The following ABCA4 variants were observed in gnomAD, a reference collection of about 807,000 sequenced individuals.
ABCA4 encodes ATP binding cassette subfamily A member 4, also known as retinal-specific phospholipid-transporting ATPase ABCA4.
In ABCA4, 196 loss-of-function variants were observed where a neutral mutation model predicts 263.7. That is an observed-to-expected ratio of 0.74 (90% CI 0.66 to 0.84). ABCA4 has a LOEUF of 0.84. ABCA4 is among the 40% of genes least tolerant of loss of function. ABCA4 has a pLI of 0.00. For synonymous variants in ABCA4, 1,133 were observed against 1,094.2 expected, an observed-to-expected ratio of 1.04 and a Z score of -0.70; for missense variants, 2,792 against 2,855.1, an observed-to-expected ratio of 0.98 and a Z score of 0.50.
chr1:94,000,992 A>T lies in ABCA4; in HGVS notation c.6386+10T>A. 6.2e-7 allele frequency: 1 copy of T among 1,614,072 alleles called. No homozygotes were observed. Among genetic ancestry groups the T allele is most frequent in the African/African-American group, 1.3e-5 (1 of 75,028 alleles). On this transcript the variant is annotated intron_variant, in intron 46 of 49. Transcript: ENST00000370225. ...CCCACCCACCTTCCCCAGCCCTGGG[A>T]ATCTCTTGCCTGTGGGATGTGAGGA... is the stretch of plus-strand genomic sequence containing the variant.
chr1:94,058,927 G>T (rs1006627240), intron 14 of ABCA4, among the ~76,000 whole-genome samples: 4 of 152,192 alleles, frequency 2.6e-5, no homozygotes, highest in Non-Finnish European at 5.9e-5. Context: ...ACAAGGGAAA[G>T]GTGGGAGAGT....
intron 6 of ABCA4, among the ~76,000 whole-genome samples, chr1:94,090,650 C>T (rs528836084): frequency 2.1e-4 from 32 of 152,300 alleles, no homozygotes; most frequent in African/African-American, 7.0e-4. Flanking sequence ...TTATTTACCA[C>T]TTTTATTTTG....
chr1:94,083,421 G>T lies in ABCA4; in HGVS notation c.789C>A (p.Ser263Arg). ...ATCTCAGATTGATACCTTGAGAACG[G>T]CTGTCTAGGAGTGTGGGAAGCTGTA... The part of the protein sequence containing the change: ...LFRVLPTLLD[S>R]RSQGINLRSW... Residue 263 changes from serine to arginine, a missense_variant, in exon 7 of 50, where the codon AGC becomes AGA. Transcript: ENST00000370225. 6.2e-7 allele frequency: 1 copy of T among 1,613,506 alleles called. No homozygotes were observed. Among genetic ancestry groups the T allele is most frequent in the Non-Finnish European group, 8.5e-7 (1 of 1,179,730 alleles).
chr1:94,075,361 A>T (rs1379791122), intron 11 of ABCA4, among the ~76,000 whole-genome samples: 2 of 152,092 alleles, frequency 1.3e-5, no homozygotes, highest in African/African-American at 4.8e-5. Flanking sequence ...TTAAAAAAAA[A>T]ATCCTGTTTT....
Position 93,992,992 on chromosome 1 carries a change from T to C in ABCA4, c.*245A>G. ...TGGCCCGGGGTTTCTAGTTCTGGGG[T>C]CTGGAGAAGGATTTTGTATTTGTTT... On this transcript the variant is annotated 3_prime_UTR_variant, in exon 50 of 50. Coordinates refer to ENST00000370225, the MANE Select transcript of ABCA4 (RefSeq NM_000350.3). 5.3e-6 allele frequency: 3 copies of C among 566,406 alleles called. No individual in the cohort carries two copies. Among genetic ancestry groups the C allele is most frequent in the Non-Finnish European group, 9.4e-6 (3 of 317,482 alleles). The allele number at this position is 566,406 out of a possible 1,614,324, so 35.1% of individuals were successfully genotyped here.
Position 93,998,092 on chromosome 1 carries a change from G to A in ABCA4, c.6498C>T (p.Ile2166=), listed in dbSNP as rs61751379. 1.2e-3 allele frequency: 1,882 copies of A among 1,614,158 alleles called. 3 individuals carry two copies. Among genetic ancestry groups the A allele is most frequent in the Middle Eastern group, 3.6e-3 (22 of 6,062 alleles). Residue 2166 remains isoleucine, a synonymous_variant, in exon 48 of 50, where the codon ATC becomes ATT. Transcript: ENST00000370225. ...HLKSKFGDGY[I]VTMKIKSPKD... is the part of the protein sequence containing the mutation. Reference sequence around the variant, plus strand: ...TCGGGGATTTGATCTTCATTGTGACGATATAGCCATCTCCAAATCTAGGGG... The same window carrying A: ...TCGGGGATTTGATCTTCATTGTGACAATATAGCCATCTCCAAATCTAGGGG...
At position 94,036,739 on chromosome 1, in the gene ABCA4, C is replaced by T. The variant is rs61751400; in HGVS notation, c.3862+1G>A. 2.5e-6 allele frequency: 4 copies of T among 1,614,020 alleles called. No homozygotes were observed. Among genetic ancestry groups the T allele is most frequent in the African/African-American group, 1.3e-5 (1 of 75,018 alleles). Reference sequence around the variant, plus strand: ...ACAAGCCACTGGCTCCAGCACCATACCCGCAAACAGAGGTCCTGAATCAGA... The same window carrying T: ...ACAAGCCACTGGCTCCAGCACCATATCCGCAAACAGAGGTCCTGAATCAGA... On this transcript the variant is annotated splice_donor_variant, in intron 26 of 49. Transcript: ENST00000370225. LOFTEE classifies it high-confidence loss of function.
intron 16 of ABCA4, among the ~76,000 whole-genome samples, chr1:94,052,977 G>C (rs984394284): frequency 6.6e-6 from 1 of 152,196 alleles, no homozygotes; most frequent in African/African-American, 2.4e-5. Flanking sequence ...GTGAAGAATG[G>C]AACTTTCAGT....
intron 31 of ABCA4, among the ~76,000 whole-genome samples, chr1:94,023,851 A>G (rs943658660): frequency 3.3e-5 from 5 of 152,228 alleles, no homozygotes; most frequent in African/African-American, 1.2e-4. Context: ...CCCAAAGTTA[A>G]GGCACTGACA....
At chr1:94,040,019 A>G (rs941973499) in intron 24 of ABCA4, 24 bp downstream of exon 24, 2 of 1,578,904 alleles carry the variant, frequency 1.3e-6, no homozygotes, top group Non-Finnish European at 8.6e-7. Context: ...GACGGAACCC[A>G]AGTATGGCCC....
chr1:94,032,588 T>C (rs1660234524), intron 26 of ABCA4, among the ~76,000 whole-genome samples: 1 of 152,178 alleles, frequency 6.6e-6, no homozygotes, highest in Admixed American at 6.5e-5. Flanking sequence ...TAAGCCGAGA[T>C]TGCAAGACTG....
intron 1 of ABCA4, among the ~76,000 whole-genome samples, chr1:94,115,320 C>T (rs975227322): frequency 1.3e-5 from 2 of 152,152 alleles, no homozygotes; most frequent in African/African-American, 2.4e-5. Flanking sequence ...GTCTTCCATG[C>T]GGCAACATCT....
intron 25 of ABCA4, 131 bp from the exon 26 acceptor site, chr1:94,036,919 A>G: frequency 1.0e-6 from 1 of 971,060 alleles, no homozygotes; most frequent in Non-Finnish European, 1.6e-6. Context: ...ATCTGAGAAC[A>G]TCATCTTCTA....
intron 6 of ABCA4, among the ~76,000 whole-genome samples, chr1:94,092,263 A>C (rs1661988141): frequency 6.6e-6 from 1 of 152,230 alleles, no homozygotes; most frequent in African/African-American, 2.4e-5. Flanking sequence ...TCTTGAAGGC[A>C]TGCAGACCAG....
At chr1:94,093,458 A>G (rs1165766391) in intron 6 of ABCA4, among the ~76,000 whole-genome samples, 1 of 152,210 alleles carries the variant, frequency 6.6e-6, no homozygotes, top group Non-Finnish European at 1.5e-5. Context: ...CTTTCTTAAA[A>G]CCAACTGACC....
rs146117512 is a variant in ABCA4, at chr1:94,041,368, G to T, written c.3363C>A (p.Asp1121Glu). The change falls in exon 23 of 50, where the codon GAC (aspartate) becomes GAA (glutamate). Residue 1121 changes from aspartate (D) to glutamate (E), a missense_variant. Asp to Glu is a conservative substitution (Grantham distance 45). Transcript: ENST00000370225. ...RTIIMSTHHMDEADLLGDRIA... is the reference protein window; with the variant it reads ...RTIIMSTHHMEEADLLGDRIA... ...TGCGGTCCCCAAGGAGGTCGGCCTC[G>T]TCCATGTGGTGAGTGGACATGATGA... The T allele has an allele frequency of 6.2e-7, 1 of 1,614,072 alleles. No individual in the cohort carries two copies. Among genetic ancestry groups the T allele is most frequent in the South Asian group, 1.1e-5 (1 of 91,072 alleles).
rs758584771 is a variant in ABCA4, at chr1:94,077,716, G to T, written c.1528C>A (p.Leu510Ile). 2 of 1,613,548 alleles carry T rather than the reference G, an allele frequency of 1.2e-6. No individual in the cohort carries two copies. Among genetic ancestry groups the T allele is most frequent in the Non-Finnish European group, 1.7e-6 (2 of 1,179,672 alleles). ...TCCAGGTATTGATTGACCAGGCGGA[G>T]GGTGCGATCAGTGATGTTAAATATG... ...RDIFNITDRT[L>I]RLVNQYLECL... Residue 510 changes from leucine to isoleucine, a missense_variant, in exon 11 of 50, where the codon CTC becomes ATC. Leu to Ile is a conservative substitution (Grantham distance 5, BLOSUM62 2). Coordinates refer to ENST00000370225, the MANE Select transcript of ABCA4 (RefSeq NM_000350.3).
At chr1:94,095,715 A>G (rs114045521) in intron 6 of ABCA4, among the ~76,000 whole-genome samples, 3,098 of 150,512 alleles carry the variant, frequency 0.021, 45 homozygotes, top group Middle Eastern at 0.077. Flanking sequence ...CAATAAAGGC[A>G]AAGTCCCATT....
At chr1:94,070,506 C>G (rs1403502331) in intron 11 of ABCA4, among the ~76,000 whole-genome samples, 4 of 152,204 alleles carry the variant, frequency 2.6e-5, no homozygotes, top group Non-Finnish European at 5.9e-5. Context: ...TCAACCTTTA[C>G]AGCCCAGAGA....
Sources: gnomAD v4.1 joint callset for allele counts (sites outside exome capture counted in the v4.1 genomes callset) on GRCh38, gnomAD v4.1.1 for gene constraint, MANE v1.5 for transcripts, NCBI Gene and HGNC (gene_info 2026-07-23, HGNC 2026-07-21) for gene names.